Variants in MIS18A observed in about 807,000 individuals in gnomAD.
MIS18A encodes the protein protein Mis18-alpha.
In MIS18A, 14 loss-of-function variants were observed where a neutral mutation model predicts 25.0. The ratio of observed to expected loss-of-function variants is 0.56; its 90% CI spans 0.37 to 0.88. The LOEUF (loss-of-function observed/expected upper bound fraction) is 0.88, where lower values mean the gene tolerates loss of function less well. MIS18A is among the 40% of genes least tolerant of loss of function. The probability of loss-of-function intolerance (pLI) is 0.00; values close to 1 mark genes in which losing one functional copy is unlikely to be tolerated. For synonymous variants in MIS18A, 134 were observed against 118.6 expected (o/e 1.13, Z -0.84); for missense variants, 292 against 290.8 (o/e 1.00, Z -0.03).
the MIS18A span, among the ~76,000 whole-genome samples, chr21:32,172,648 C>A: frequency 6.7e-6 from 1 of 149,864 alleles, no homozygotes; most frequent in Non-Finnish European, 1.5e-5. Context: ...TATGGAAATG[C>A]AAAGGACCAA....
the MIS18A span, among the ~76,000 whole-genome samples, chr21:32,237,388 G>A: frequency 7.9e-5 from 12 of 151,830 alleles, no homozygotes; most frequent in African/African-American, 1.9e-4. Flanking sequence ...TCCCATGTCC[G>A]CCTGCCAGTG....
At chr21:32,262,628 G>A in the MIS18A span, among the ~76,000 whole-genome samples, 4 of 152,112 alleles carry the variant, frequency 2.6e-5, no homozygotes, top group East Asian at 1.9e-4. Flanking sequence ...TCAGGGTTAC[G>A]TGAATTAGAA....
chr21:32,245,979 T>C, the MIS18A span, among the ~76,000 whole-genome samples: 1 of 152,084 alleles, frequency 6.6e-6, no homozygotes, highest in African/African-American at 2.4e-5. Flanking sequence ...TGGAGTGGCC[T>C]CAGGAAGCTC....
At chr21:32,191,513 G>A in the MIS18A span, among the ~76,000 whole-genome samples, 1 of 152,224 alleles carries the variant, frequency 6.6e-6, no homozygotes, top group East Asian at 1.9e-4. Flanking sequence ...GATCATTTGA[G>A]CCCGGGAGTT....
the MIS18A span, among the ~76,000 whole-genome samples, chr21:32,242,900 A>G: frequency 6.6e-6 from 1 of 152,060 alleles, no homozygotes; most frequent in East Asian, 1.9e-4. Context: ...CTATTTATCT[A>G]CCTCCCCAAG....
chr21:32,205,400 CTG>C, the MIS18A span, among the ~76,000 whole-genome samples: 1 of 152,196 alleles, frequency 6.6e-6, no homozygotes, highest in South Asian at 2.1e-4. Flanking sequence ...TCCTTCTTAT[CTG>C]TCTCATTCTC....
the MIS18A span, among the ~76,000 whole-genome samples, chr21:32,177,364 T>C: frequency 6.6e-6 from 1 of 152,138 alleles, no homozygotes; most frequent in Non-Finnish European, 1.5e-5. Flanking sequence ...TGATGATGCA[T>C]TACTGAAAAC....
the MIS18A span, among the ~76,000 whole-genome samples, chr21:32,185,070 C>T: frequency 2.0e-5 from 3 of 152,260 alleles, no homozygotes; most frequent in Non-Finnish European, 2.9e-5. Flanking sequence ...CCATTGCCTA[C>T]GATGTAAGTA....
At chr21:32,214,471 T>C in the MIS18A span, among the ~76,000 whole-genome samples, 20 of 152,288 alleles carry the variant, frequency 1.3e-4, no homozygotes, top group South Asian at 3.7e-3. Context: ...ATATGTATGG[T>C]TGACTAGTGA....
chr21:32,221,584 A>G, the MIS18A span, among the ~76,000 whole-genome samples: 1 of 152,062 alleles, frequency 6.6e-6, no homozygotes, highest in Non-Finnish European at 1.5e-5. Context: ...AATGGGCAAA[A>G]TAAACAACTA....
At chr21:32,194,443 T>C in the MIS18A span, among the ~76,000 whole-genome samples, 21 of 152,220 alleles carry the variant, frequency 1.4e-4, no homozygotes, top group East Asian at 3.9e-3. Flanking sequence ...GCGGATTACC[T>C]GAGGTTGGGA....
the MIS18A span, among the ~76,000 whole-genome samples, chr21:32,169,040 T>C: frequency 6.6e-6 from 1 of 152,274 alleles, no homozygotes; most frequent in African/African-American, 2.4e-5. Context: ...GTCAGAACTC[T>C]GGAAATTAAC....
the MIS18A span, among the ~76,000 whole-genome samples, chr21:32,205,295 G>A: frequency 1.3e-5 from 2 of 151,658 alleles, no homozygotes; most frequent in Admixed American, 6.6e-5. Context: ...TAGTAGAGAC[G>A]GGGTTTCACC....
At chr21:32,180,921 T>C in the MIS18A span, among the ~76,000 whole-genome samples, 90,060 of 151,838 alleles carry the variant, frequency 0.59, 27,512 homozygotes, top group African/African-American at 0.74. Context: ...TTCCTCCCAG[T>C]GGCTGACTGG....
chr21:32,224,087 C>T, the MIS18A span, among the ~76,000 whole-genome samples: 5 of 151,982 alleles, frequency 3.3e-5, no homozygotes, highest in Admixed American at 3.3e-4. Flanking sequence ...TCCCTTCATG[C>T]TAAAAACTCT....
chr21:32,219,367 G>A, the MIS18A span, among the ~76,000 whole-genome samples: 2 of 152,164 alleles, frequency 1.3e-5, 1 homozygote, highest in African/African-American at 4.8e-5. Flanking sequence ...CCCGGGAAGT[G>A]CAAGGGATTG....
chr21:32,211,774 A>G, the MIS18A span, among the ~76,000 whole-genome samples: 1 of 152,254 alleles, frequency 6.6e-6, no homozygotes, highest in Non-Finnish European at 1.5e-5. Flanking sequence ...TGCAATAGCA[A>G]AAATAGAATG....
chr21:32,278,539 A>C, intron 1 of MIS18A, 142 bp downstream of exon 1: 2 of 911,410 alleles, frequency 2.2e-6, no homozygotes, highest in Non-Finnish European at 3.2e-6. Context: ...TTTTCCTGCC[A>C]CAGCTCACAC....
chr21:32,234,717 A>G, the MIS18A span, among the ~76,000 whole-genome samples: 1 of 151,986 alleles, frequency 6.6e-6, no homozygotes, highest in Non-Finnish European at 1.5e-5. Flanking sequence ...TCCCTCTCTC[A>G]TCATGTGACA....
Sources: allele counts gnomAD v4.1 joint callset (sites outside exome capture counted in the v4.1 genomes callset), GRCh38; gene constraint gnomAD v4.1.1; transcripts MANE v1.5; gene names NCBI Gene and HGNC (gene_info 2026-07-23, HGNC 2026-07-21).